Variants in E2F2 observed in about 807,000 individuals in gnomAD.
E2F2 encodes the protein E2F transcription factor 2.
Under a neutral mutation model 42.2 loss-of-function variants are expected in E2F2, and 22 were observed. That is an observed-to-expected ratio of 0.52 (90% CI 0.37 to 0.74). The LOEUF is 0.74. E2F2 is among the 30% of genes least tolerant of loss of function. E2F2 has a pLI of 0.00. For missense variants in E2F2, 481 were observed against 557.8 expected, an observed-to-expected ratio of 0.86 and a Z score of 1.39; for synonymous variants, 248 against 251.6, an observed-to-expected ratio of 0.99 and a Z score of 0.13.
chr1:23,526,853 A>G (rs976200924), intron 1 of E2F2, among the ~76,000 whole-genome samples: 9 of 102,744 alleles, frequency 8.8e-5, no homozygotes, highest in African/African-American at 2.9e-4. Context: ...ATGTACTTGC[A>G]CACACACACA....
At chr1:23,523,291 G>T (rs1387124997) in intron 2 of E2F2, among the ~76,000 whole-genome samples, 1 of 151,962 alleles carries the variant, frequency 6.6e-6, no homozygotes, top group Non-Finnish European at 1.5e-5. Context: ...TGAGTAGCTG[G>T]GATTACAGGC....
Position 23,522,045 on chromosome 1 carries a change from G to T in E2F2, c.370C>A (p.Pro124Thr). Residue 124 changes from proline (P) to threonine (T), a missense_variant, in exon 3 of 7, where the codon CCC (proline) becomes ACC (threonine). Coordinates refer to ENST00000361729, the MANE Select transcript of E2F2 (RefSeq NM_004091.4). ...GTGTCATACCGAGTCTTCTCCCCGG[G>T]GGATTTGGGGGCTGAAGAAGAAAGG... The part of the protein sequence containing the change: ...GLPSPKTPKS[P>T]GEKTRYDTSL... The T allele has an allele frequency of 1.9e-6, 3 of 1,614,016 alleles. No individual in the cohort carries two copies. Among genetic ancestry groups the T allele is most frequent in the Non-Finnish European group, 2.5e-6 (3 of 1,179,996 alleles).
At chr1:23,513,561 CAT>C (rs1491543318) in intron 6 of E2F2, among the ~76,000 whole-genome samples, 1,473 of 116,010 alleles carry the variant, frequency 0.013, 41 homozygotes, top group East Asian at 0.12. Context: ...CAGCACGGAA[CAT>C]GTGTGTGTGT....
At chr1:23,516,657 C>A in intron 5 of E2F2, 130 bp from the exon 6 acceptor site, 1 of 670,408 alleles carries the variant, frequency 1.5e-6, no homozygotes, top group Non-Finnish European at 2.4e-6. Context: ...GCACTGAGAC[C>A]AACTCCATCT....
At chr1:23,522,116 G>T in intron 2 of E2F2, 60 bp from the exon 3 acceptor site, 1 of 1,506,952 alleles carries the variant, frequency 6.6e-7, no homozygotes, top group Non-Finnish European at 9.1e-7. Flanking sequence ...CAGGACCCTC[G>T]TCCATTGACC....
At chr1:23,520,238 T>C (rs139694200) in intron 4 of E2F2, among the ~76,000 whole-genome samples, 4,911 of 103,172 alleles carry the variant, frequency 0.048, 364 homozygotes, top group African/African-American at 0.21. Flanking sequence ...AGTGAGACTC[T>C]GTCTCAAAAA....
At chr1:23,520,759 A>G (rs1187810069) in intron 4 of E2F2, among the ~76,000 whole-genome samples, 154 bp downstream of exon 4, 2 of 152,226 alleles carry the variant, frequency 1.3e-5, no homozygotes, top group African/African-American at 4.8e-5. Context: ...AAATAAATAA[A>G]TAATTTTAAA....
At position 23,520,972 on chromosome 1, in the gene E2F2, C is replaced by T; in HGVS notation, c.678G>A (p.Gln226=). 2 of 1,612,212 alleles carry T rather than the reference C, an allele frequency of 1.2e-6. No individual in the cohort carries two copies. The highest frequency in any genetic ancestry group is 2.2e-5 in the South Asian group (2 of 90,894). Residue 226 remains glutamine, a synonymous_variant, in exon 4 of 7, where the codon CAG becomes CAA. Coordinates refer to ENST00000361729, the MANE Select transcript of E2F2 (RefSeq NM_004091.4). The part of the protein sequence containing the change: ...ELMNTEQALD[Q]LIQSCSLSFK... ...AGCTCAGAGAGCAGCTCTGGATGAG[C>T]TGGTCCAAGGCCTGCTCCGTGTTCA... is the stretch of plus-strand genomic sequence containing the variant.
In E2F2 at chr1:23,511,216, T is replaced by G. The variant is rs943676276; in HGVS notation, c.1046-1068A>C. 7.2e-5 allele frequency among the ~76,000 whole-genome samples: 11 copies of G among 152,074 alleles called. No individual in the cohort carries two copies. In the East Asian group the frequency reaches 2.1e-3, roughly 29 times the overall value. On this transcript the variant is annotated intron_variant, in intron 6 of 6. Transcript: ENST00000361729. ...TCAGTAGCCATTCTCCAGCACTCTA[T>G]GCTCATTTCTTTCTCGCCGCCTTCT...
In E2F2 at chr1:23,509,841, T is replaced by C. The variant is rs527364202; in HGVS notation, c.*39A>G. 8 of 1,509,746 alleles carry C rather than the reference T, an allele frequency of 5.3e-6. No individual in the cohort carries two copies. Among genetic ancestry groups the C allele is most frequent in the African/African-American group, 1.4e-5 (1 of 71,758 alleles). The allele number at this position is 1,509,746 out of a possible 1,614,324, so 93.5% of individuals were successfully genotyped here. A position where few individuals can be genotyped will look rare whatever the true frequency, so the allele number is the denominator to read the frequency against. ...GGCTGTCAGCCTGTCTGTGAGGAGG[T>C]AGAGTCGGGGGCAGGCTGCTGGGGG... On this transcript the variant is annotated 3_prime_UTR_variant, in exon 7 of 7. Coordinates refer to ENST00000361729, the MANE Select transcript of E2F2 (RefSeq NM_004091.4).
chr1:23,509,749 G>T lies in E2F2; in HGVS notation c.*131C>A. 1 of 1,400,972 alleles carries T rather than the reference G, an allele frequency of 7.1e-7. No homozygotes were observed. Among genetic ancestry groups the T allele is most frequent in the Non-Finnish European group, 9.3e-7 (1 of 1,072,452 alleles). 86.8% of individuals were successfully genotyped at this position (1,400,972 alleles called of 1,614,324 possible). On this transcript the variant is annotated 3_prime_UTR_variant, in exon 7 of 7. Transcript: ENST00000361729. Reference sequence around the variant, plus strand: ...ACACAGCTTCTGCCGGCTGGGGCAGGAAAGGCGAGGAGACCCCATGCCCTG... The same window carrying T: ...ACACAGCTTCTGCCGGCTGGGGCAGTAAAGGCGAGGAGACCCCATGCCCTG...
chr1:23,510,939 A>G (rs1323714957), intron 6 of E2F2, among the ~76,000 whole-genome samples: 3 of 152,136 alleles, frequency 2.0e-5, no homozygotes, highest in East Asian at 1.9e-4. Context: ...AATTTTTGTT[A>G]TGTTGCCTCT....
At chr1:23,513,984 C>T (rs1325936029) in intron 6 of E2F2, among the ~76,000 whole-genome samples, 1 of 151,708 alleles carries the variant, frequency 6.6e-6, no homozygotes, top group Non-Finnish European at 1.5e-5. Context: ...ATTAGCCGGG[C>T]ATGGTGGCAT....
In E2F2 at chr1:23,530,587, T is replaced by C. The variant is rs1276526641; in HGVS notation, c.207A>G (p.Gly69=). The change falls in exon 1 of 7, where the codon GGA becomes GGG. Residue 69 remains glycine, a synonymous_variant. Coordinates refer to ENST00000361729, the MANE Select transcript of E2F2 (RefSeq NM_004091.4). This position sits in a 1 kb window ranked among gnomAD's most constrained non-coding sequence, Gnocchi z 4.4. ...PGTCLDATPH[G]PEGQVVRCLP... ...GGCATCGCACAACTTGGCCCTCGGG[T>C]CCGTGGGGAGTGGCGTCGAGGCAGG... is the stretch of plus-strand genomic sequence containing the variant. 2 of 1,612,798 alleles carry C rather than the reference T, an allele frequency of 1.2e-6. No homozygotes were observed. The highest frequency in any genetic ancestry group is 1.7e-4 in the Middle Eastern group (1 of 6,058).
intron 5 of E2F2, 116 bp downstream of exon 5, chr1:23,518,900 A>T (rs1381926695): frequency 2.3e-5 from 17 of 724,640 alleles, no homozygotes; most frequent in Non-Finnish European, 3.8e-5. Context: ...TGGACACCAC[A>T]ATGGGCCTGC....
chr1:23,515,862 G>C (rs1396845002), intron 6 of E2F2, among the ~76,000 whole-genome samples: 1 of 151,920 alleles, frequency 6.6e-6, no homozygotes, highest in African/African-American at 2.4e-5. Flanking sequence ...CACCACACTC[G>C]GCTAATTTGT....
At chr1:23,521,510 A>T in intron 3 of E2F2, 1 of 982,024 alleles carries the variant, frequency 1.0e-6, no homozygotes, top group Non-Finnish European at 1.2e-6. Flanking sequence ...AAGCTAGAAG[A>T]AGTGGATATT....
chr1:23,520,278 G>T (rs1306517289), intron 4 of E2F2, among the ~76,000 whole-genome samples: 1 of 102,604 alleles, frequency 9.7e-6, no homozygotes, highest in Non-Finnish European at 1.9e-5. Context: ...AAAAAAAAAA[G>T]CTATGTTCAG....
At chr1:23,513,046 C>G (rs935665673) in intron 6 of E2F2, among the ~76,000 whole-genome samples, 5 of 151,760 alleles carry the variant, frequency 3.3e-5, no homozygotes, top group Admixed American at 6.6e-5. Context: ...CTTCTGGCCT[C>G]AAGTGATCCA....
Sources: gnomAD v4.1 joint callset for allele counts (sites outside exome capture counted in the v4.1 genomes callset) on GRCh38, gnomAD v4.1.1 for gene constraint, Gnocchi (gnomAD v3.1) non-coding constraint, MANE v1.5 for transcripts, NCBI Gene and HGNC (gene_info 2026-07-23, HGNC 2026-07-21) for gene names.